IL31RA: variants seen among roughly 807,000 people sequenced by gnomAD.
IL31RA encodes interleukin-31 receptor subunit alpha.
A neutral mutation model predicts 83.7 loss-of-function variants in IL31RA; 66 were observed. That is an observed-to-expected ratio of 0.79 (90% CI 0.65 to 0.97). IL31RA has a LOEUF of 0.97. Ranked by LOEUF, IL31RA falls within the 50% of genes least tolerant of loss-of-function variation. The pLI is 0.00. For missense variants in IL31RA, 798 were observed against 919.4 expected, an observed-to-expected ratio of 0.87 and a Z score of 1.71; for synonymous variants, 325 against 329.0, an observed-to-expected ratio of 0.99 and a Z score of 0.13.
At chr5:55,842,381 A>G in the IL31RA span, among the ~76,000 whole-genome samples, 1 of 152,204 alleles carries the variant, frequency 6.6e-6, no homozygotes, top group Non-Finnish European at 1.5e-5. Flanking sequence ...TGGACCCACT[A>G]TGGGAGGTGT....
upstream of IL31RA, among the ~76,000 whole-genome samples, chr5:55,847,335 C>T (rs1441220630): frequency 2.0e-5 from 3 of 151,780 alleles, no homozygotes; most frequent in Non-Finnish European, 4.4e-5. Context: ...TGGCTCACAC[C>T]TGTAATCCCA....
At chr5:55,908,658 A>G in intron 11 of IL31RA, 1 of 1,529,896 alleles carries the variant, frequency 6.5e-7, no homozygotes. Flanking sequence ...GAGTTGTTAT[A>G]ATTTGTCCTG....
At chr5:55,911,363 A>G (rs1749491518) in intron 12 of IL31RA, among the ~76,000 whole-genome samples, 1 of 152,150 alleles carries the variant, frequency 6.6e-6, no homozygotes, top group African/African-American at 2.4e-5. Context: ...GGGAGCTACA[A>G]TTCAAGATGT....
Position 55,917,038 on chromosome 5 carries a change from A to G in IL31RA, c.2213A>G (p.Asn738Ser), listed in dbSNP as rs1352277321. The change falls in exon 15 of 15, where the codon AAT becomes AGT. Residue 738 changes from asparagine to serine, a missense_variant. Coordinates refer to ENST00000652347, the MANE Select transcript of IL31RA (RefSeq NM_139017.7). ...PDHLCEEGAP[N>S]PYLKNSVTAR... ...CATCTGTGTGAGGAAGGAGCCCCAA[A>G]TCCATATTTGAAAAATTCAGTGACA... is the stretch of plus-strand genomic sequence containing the variant. 4 of 1,614,068 alleles carry G rather than the reference A, an allele frequency of 2.5e-6. No individual in the cohort carries two copies. The highest frequency in any genetic ancestry group is 1.3e-5 in the African/African-American group (1 of 74,914).
intron 4 of IL31RA, among the ~76,000 whole-genome samples, chr5:55,875,318 G>A (rs917589477): frequency 3.9e-5 from 6 of 152,144 alleles, no homozygotes; most frequent in African/African-American, 1.4e-4. Flanking sequence ...GATATGGTCT[G>A]TAGCTTTCTT....
chr5:55,917,178 G>T lies in IL31RA; in HGVS notation c.*58G>T. 5.0e-6 allele frequency: 8 copies of T among 1,611,742 alleles called. No homozygotes were observed. The highest frequency in any genetic ancestry group is 3.4e-6 in the Non-Finnish European group (4 of 1,180,022). On this transcript the variant is annotated 3_prime_UTR_variant, in exon 15 of 15. Coordinates refer to ENST00000652347, the MANE Select transcript of IL31RA (RefSeq NM_139017.7). ...AGTGTGGATGGCCCTTGCCAGAGAA[G>T]ATGTCAAGACTCGGCACGCAGCGCT... is the stretch of plus-strand genomic sequence containing the variant.
chr5:55,885,857 C>T (rs564762988), intron 5 of IL31RA, among the ~76,000 whole-genome samples: 1 of 152,286 alleles, frequency 6.6e-6, no homozygotes, highest in Admixed American at 6.5e-5. Context: ...CGGTATAGCA[C>T]AAGCTCCTCT....
At chr5:55,848,405 G>A (rs190549807), upstream of IL31RA, among the ~76,000 whole-genome samples, 1 of 151,948 alleles carries the variant, frequency 6.6e-6, no homozygotes, top group Admixed American at 6.6e-5. Flanking sequence ...TCTGGCTTTG[G>A]CTGGAAGTTC....
intron 6 of IL31RA, among the ~76,000 whole-genome samples, chr5:55,895,752 T>C (rs1748292895): frequency 6.6e-6 from 1 of 152,236 alleles, no homozygotes; most frequent in Non-Finnish European, 1.5e-5. Context: ...TTCATATGAA[T>C]TTCTAGGTTT....
intron 4 of IL31RA, among the ~76,000 whole-genome samples, chr5:55,879,104 G>C (rs1747030763): frequency 1.3e-5 from 2 of 152,138 alleles, no homozygotes; most frequent in South Asian, 4.1e-4. Flanking sequence ...AGCAGTGCCT[G>C]GCTCTTTTCC....
chr5:55,869,482 A>C (rs1248130928), intron 3 of IL31RA, among the ~76,000 whole-genome samples: 1 of 152,010 alleles, frequency 6.6e-6, no homozygotes, highest in Non-Finnish European at 1.5e-5. Flanking sequence ...TTAAAAAAAA[A>C]CTTTTTTTTG....
At position 55,905,337 on chromosome 5, in the gene IL31RA, C is replaced by T. The variant is rs148103720; in HGVS notation, c.1070-769C>T. 1.7e-3 allele frequency among the ~76,000 whole-genome samples: 254 copies of T among 152,224 alleles called. 3 individuals are homozygous for T. Among genetic ancestry groups the T allele is most frequent in the Admixed American group, 0.015 (233 of 15,284 alleles). On this transcript the variant is annotated intron_variant, in intron 8 of 14. Coordinates refer to ENST00000652347, the MANE Select transcript of IL31RA (RefSeq NM_139017.7). ...AGAGCATGCCCTGGAATTTCTGAGC[C>T]CCGCCCAGTTTGTACCTTCCACCTC...
chr5:55,873,956 T>C (rs1203111911), intron 4 of IL31RA, among the ~76,000 whole-genome samples: 1 of 152,096 alleles, frequency 6.6e-6, no homozygotes, highest in Non-Finnish European at 1.5e-5. Context: ...TAAGAAACCA[T>C]TGCCTAACCT....
Position 55,883,093 on chromosome 5 carries a change from CA to C in IL31RA, c.507del (p.Lys169AsnfsTer3). The C allele has an allele frequency of 6.2e-7, 1 of 1,614,024 alleles. No homozygotes were observed. Among genetic ancestry groups the C allele is most frequent in the Non-Finnish European group, 8.5e-7 (1 of 1,179,926 alleles). On this transcript the variant is annotated frameshift_variant, in exon 5 of 15. Coordinates refer to ENST00000652347, the MANE Select transcript of IL31RA (RefSeq NM_139017.7). LOFTEE classifies it high-confidence loss of function. ...IFRVKPVLGI[K>X]RMIQIEWIKP... ...TCCGTGTGAAACCAGTTTTGGGCAT[CA>C]AACGAATGATTCAAATTGAATGGAT...
chr5:55,855,316 A>AAT (rs33990463), intron 1 of IL31RA, among the ~76,000 whole-genome samples: 85,782 of 145,688 alleles, frequency 0.59, 26,155 homozygotes, highest in Non-Finnish European at 0.68. Context: ...GATAATTTAA[A>AAT]ATATATATAT....
Position 55,922,528 on chromosome 5 carries a change from C to G in IL31RA, c.*5408C>G. The G allele has an allele frequency of 1.9e-6, 2 of 1,049,782 alleles. No homozygotes were observed. The highest frequency in any genetic ancestry group is 2.8e-6 in the Non-Finnish European group (2 of 706,628). The allele number at this position is 1,049,782 out of a possible 1,614,324, so 65.0% of individuals were successfully genotyped here. On this transcript the variant is annotated 3_prime_UTR_variant, in exon 15 of 15. Transcript: ENST00000652347. ...ACTAGGAAGACTGAATCTGTGGCCCCAAGAGAACCATCTCTGAAGACTGGG... is the reference window on the plus strand; with the variant it reads ...ACTAGGAAGACTGAATCTGTGGCCCGAAGAGAACCATCTCTGAAGACTGGG...
chr5:55,902,459 C>CAAAAAAAAAAAAAAA (rs59506009), intron 8 of IL31RA: 1 of 100,742 alleles, frequency 9.9e-6, no homozygotes, highest in Non-Finnish European at 2.0e-5. Context: ...CTTGTTTCTA[C>CAAAAAAAAAAAAAAA]AAAAAAAAAA....
chr5:55,854,694 G>A (rs1316459688), intron 1 of IL31RA, among the ~76,000 whole-genome samples: 2 of 149,658 alleles, frequency 1.3e-5, no homozygotes, highest in South Asian at 2.1e-4. Context: ...GCAGTGAACC[G>A]AGACTGCACC....
At chr5:55,904,212 C>T (rs1385966736) in intron 8 of IL31RA, among the ~76,000 whole-genome samples, 1 of 152,170 alleles carries the variant, frequency 6.6e-6, no homozygotes, top group Non-Finnish European at 1.5e-5. Flanking sequence ...GTAACAGGTA[C>T]AATCTGAGAT....
Sources: gnomAD v4.1 joint callset for allele counts (sites outside exome capture counted in the v4.1 genomes callset) on GRCh38, gnomAD v4.1.1 for gene constraint, MANE v1.5 for transcripts, NCBI Gene and HGNC (gene_info 2026-07-23, HGNC 2026-07-21) for gene names.